Variants in MRPL3 observed in about 807,000 individuals in gnomAD.
MRPL3 encodes the protein mitochondrial ribosomal protein L3, also known as large ribosomal subunit protein uL3m.
In MRPL3, 43 loss-of-function variants were observed where a neutral mutation model predicts 44.3. The ratio of observed to expected loss-of-function variants is 0.97; its 90% CI spans 0.76 to 1.25. The LOEUF (loss-of-function observed/expected upper bound fraction) is 1.25. MRPL3 is among the 50% of genes most tolerant of loss of function. MRPL3 has a pLI of 0.00. For missense variants in MRPL3, 406 were observed against 427.6 expected (o/e 0.95, Z 0.45); for synonymous variants, 171 against 152.3 (o/e 1.12, Z -0.91).
In MRPL3 at chr3:131,486,848, G is replaced by A. The variant is rs549759631; in HGVS notation, c.629+832C>T. Reference sequence around the variant, plus strand: ...GGAGAAATACAAACGCTTTTACACTGTTGGTGGGAGTGTAAATTAGTTCAA... The same window carrying A: ...GGAGAAATACAAACGCTTTTACACTATTGGTGGGAGTGTAAATTAGTTCAA... On this transcript the variant is annotated intron_variant, in intron 6 of 9. Transcript: ENST00000264995. Among the ~76,000 whole-genome samples, 6 of 152,320 alleles carry A rather than the reference G, an allele frequency of 3.9e-5. No individual in the cohort carries two copies. The Middle Eastern group carries it at 0.017, about 432-fold the overall frequency.
intron 9 of MRPL3, among the ~76,000 whole-genome samples, chr3:131,463,815 C>G (rs1933543532): frequency 6.6e-6 from 1 of 152,056 alleles, no homozygotes; most frequent in Non-Finnish European, 1.5e-5. Flanking sequence ...TTCTTCAGAA[C>G]TTCTGACTCA....
intron 9 of MRPL3, among the ~76,000 whole-genome samples, chr3:131,466,554 G>C (rs926010780): frequency 6.6e-5 from 10 of 151,710 alleles, no homozygotes; most frequent in African/African-American, 2.4e-4. Context: ...GATATAATCA[G>C]AGCATGGTGT....
intron 8 of MRPL3, among the ~76,000 whole-genome samples, chr3:131,469,330 C>A (rs190923741): frequency 6.6e-6 from 1 of 151,660 alleles, no homozygotes; most frequent in Non-Finnish European, 1.5e-5. Flanking sequence ...AACATACACA[C>A]GTAGAGAGCT....
chr3:131,483,550 C>T (rs1934043362), intron 6 of MRPL3, among the ~76,000 whole-genome samples: 1 of 152,136 alleles, frequency 6.6e-6, no homozygotes, highest in African/African-American at 2.4e-5. Context: ...CCTAACGTGA[C>T]ACTGGTAAAT....
intron 9 of MRPL3, among the ~76,000 whole-genome samples, chr3:131,466,598 T>C (rs1559811222): frequency 6.6e-6 from 1 of 151,464 alleles, no homozygotes; most frequent in Non-Finnish European, 1.5e-5. Flanking sequence ...CTCAAATGTC[T>C]ACCTTTAACC....
chr3:131,498,574 C>T (rs1189573198), intron 3 of MRPL3, among the ~76,000 whole-genome samples: 5 of 151,496 alleles, frequency 3.3e-5, no homozygotes, highest in Non-Finnish European at 7.4e-5. Flanking sequence ...TGCTGGTGGG[C>T]GCCTATAGTC....
chr3:131,491,089 CT>C (rs1173891695), intron 4 of MRPL3, among the ~76,000 whole-genome samples: 1 of 152,158 alleles, frequency 6.6e-6, no homozygotes, highest in Non-Finnish European at 1.5e-5. Context: ...TTAAAACAAA[CT>C]TTTTCTTGAC....
At chr3:131,481,551 T>A (rs1224745598) in intron 6 of MRPL3, among the ~76,000 whole-genome samples, 1 of 152,216 alleles carries the variant, frequency 6.6e-6, no homozygotes, top group Non-Finnish European at 1.5e-5. Flanking sequence ...GAAAGGCCCA[T>A]GCTTTTAGCC....
intron 6 of MRPL3, among the ~76,000 whole-genome samples, chr3:131,475,075 C>A (rs970390309): frequency 6.6e-6 from 1 of 152,062 alleles, no homozygotes; most frequent in African/African-American, 2.4e-5. Context: ...AGCCACCATG[C>A]CAGGCATGTG....
chr3:131,478,678 T>A (rs553619451), intron 6 of MRPL3, among the ~76,000 whole-genome samples: 1 of 151,710 alleles, frequency 6.6e-6, no homozygotes, highest in East Asian at 1.9e-4. Context: ...AAGTATTCAA[T>A]ATCAAGTTGC....
chr3:131,463,484 C>T (rs1263108619), intron 9 of MRPL3, among the ~76,000 whole-genome samples: 1 of 151,362 alleles, frequency 6.6e-6, no homozygotes. Context: ...TTATATCATT[C>T]TTGATTTAGC....
At chr3:131,466,473 T>C (rs1933603629) in intron 9 of MRPL3, among the ~76,000 whole-genome samples, 1 of 152,152 alleles carries the variant, frequency 6.6e-6, no homozygotes, top group Non-Finnish European at 1.5e-5. Flanking sequence ...AAAGAGTTTT[T>C]ATTAAAATGT....
chr3:131,480,846 G>A (rs1160414068), intron 6 of MRPL3, among the ~76,000 whole-genome samples: 29 of 152,182 alleles, frequency 1.9e-4, no homozygotes, highest in Admixed American at 1.9e-3. Context: ...GGTGAGTTAT[G>A]CCACTTGGAA....
intron 6 of MRPL3, among the ~76,000 whole-genome samples, chr3:131,481,637 A>G (rs985656517): frequency 8.5e-5 from 13 of 152,188 alleles, no homozygotes; most frequent in Non-Finnish European, 1.6e-4. Flanking sequence ...GTAAATAAGG[A>G]GGCAACTATA....
In MRPL3 at chr3:131,498,080, T is replaced by C. The variant is rs565983683; in HGVS notation, c.468+99A>G. ...ATACACAATTTACCTCACAAACAAATGCAAGTTTGTGGCTGTGGAACAATC... is the reference window on the plus strand; with the variant it reads ...ATACACAATTTACCTCACAAACAAACGCAAGTTTGTGGCTGTGGAACAATC... On this transcript the variant is annotated intron_variant, in intron 4 of 9. Transcript: ENST00000264995. 5.9e-5 allele frequency: 53 copies of C among 891,854 alleles called. No homozygotes were observed. In the African/African-American group the frequency reaches 7.4e-4, roughly 12 times the overall value. The allele number at this position is 891,854 out of a possible 1,614,324, so 55.2% of individuals were successfully genotyped here. A position where few individuals can be genotyped will look rare whatever the true frequency, so the allele number is the denominator to read the frequency against.
In MRPL3 at chr3:131,498,291, CAT is replaced by C. The variant is rs1934413162; in HGVS notation, c.370-16_370-15del. 2.0e-6 allele frequency: 3 copies of C among 1,507,794 alleles called. No homozygotes were observed. The highest frequency in any genetic ancestry group is 2.3e-5 in the East Asian group (1 of 44,352). 93.4% of individuals were successfully genotyped at this position (1,507,794 alleles called of 1,614,324 possible). On this transcript the variant is annotated splice_polypyrimidine_tract_variant and intron_variant, in intron 3 of 9. Transcript: ENST00000264995. ...ACAGTCTTGTACCTAAAAAAACAAA[CAT>C]AAAAAAACTAAGCATGTGCCAATAT... is the stretch of plus-strand genomic sequence containing the variant.
intron 6 of MRPL3, among the ~76,000 whole-genome samples, chr3:131,473,279 G>T (rs1243072295): frequency 6.6e-6 from 1 of 152,060 alleles, no homozygotes; most frequent in African/African-American, 2.4e-5. Flanking sequence ...ATTGATTTTT[G>T]ACAAAGGTGG....
At chr3:131,490,658 G>T (rs1159844180) in intron 4 of MRPL3, among the ~76,000 whole-genome samples, 4 of 152,134 alleles carry the variant, frequency 2.6e-5, no homozygotes, top group South Asian at 2.1e-4. Context: ...TCAAATAAAA[G>T]AATTAAGAGA....
intron 6 of MRPL3, among the ~76,000 whole-genome samples, chr3:131,479,628 G>A (rs570823437): frequency 2.0e-5 from 3 of 152,022 alleles, no homozygotes; most frequent in African/African-American, 4.8e-5. Flanking sequence ...GGTGGATCAC[G>A]AGGTCAGGAG....
Sources: allele counts gnomAD v4.1 joint callset (sites outside exome capture counted in the v4.1 genomes callset), GRCh38; gene constraint gnomAD v4.1.1; transcripts MANE v1.5; gene names NCBI Gene and HGNC (gene_info 2026-07-23, HGNC 2026-07-21).